Variants in CFAP47 observed in about 807,000 individuals in gnomAD.
The protein encoded by CFAP47 is cilia- and flagella-associated protein 47.
In CFAP47, 29 loss-of-function variants were observed where a neutral mutation model predicts 148.1. The ratio of observed to expected loss-of-function variants is 0.20; its 90% CI spans 0.15 to 0.27. CFAP47 has a LOEUF of 0.27. Among genes scored for constraint, CFAP47 ranks in the 10% least tolerant of loss-of-function variants. The probability of loss-of-function intolerance (pLI) is 1.00; values close to 1 mark genes in which losing one functional copy is unlikely to be tolerated. For synonymous variants in CFAP47, 664 were observed against 577.3 expected (o/e 1.15, Z -2.15); for missense variants, 1,872 against 1,697.5 (o/e 1.10, Z -1.81).
chrX:36,233,431 T>C (rs1940400210), intron 46 of CFAP47, among the ~76,000 whole-genome samples: 1 of 111,285 alleles, frequency 9.0e-6, no homozygotes, highest in Non-Finnish European at 1.9e-5. Flanking sequence ...AGACTAGGAT[T>C]GCAACCCCTG....
chrX:36,094,265 G>C (rs187109388), intron 30 of CFAP47, among the ~76,000 whole-genome samples: 35 of 110,886 alleles, frequency 3.2e-4, no homozygotes, highest in Non-Finnish European at 5.7e-4. Flanking sequence ...CACTGTTTTG[G>C]TTACTATGGC....
intron 44 of CFAP47, among the ~76,000 whole-genome samples, chrX:36,202,079 C>T (rs1555988115): frequency 1.8e-5 from 2 of 110,836 alleles, no homozygotes; most frequent in Non-Finnish European, 3.8e-5. Flanking sequence ...ATGCTTACCT[C>T]GTATATATAA....
chrX:35,932,912 C>T, intron 2 of CFAP47, among the ~76,000 whole-genome samples: 1 of 111,413 alleles, frequency 9.0e-6, no homozygotes, highest in Non-Finnish European at 1.9e-5. Context: ...GTGTGAGCTG[C>T]CATGCCTGGC....
At chrX:36,113,327 T>G (rs1184904928) in intron 33 of CFAP47, among the ~76,000 whole-genome samples, 1 of 111,922 alleles carries the variant, frequency 8.9e-6, no homozygotes, top group Non-Finnish European at 1.9e-5. Flanking sequence ...AATAGGATCT[T>G]ATTTCTCCTT....
intron 44 of CFAP47, among the ~76,000 whole-genome samples, chrX:36,204,429 T>C (rs1291895832): frequency 9.4e-6 from 1 of 106,226 alleles, no homozygotes; most frequent in Non-Finnish European, 1.9e-5. Context: ...GGGACTGTTG[T>C]GGGGTTGGGG....
chrX:36,139,721 C>G (rs183171533), intron 35 of CFAP47, among the ~76,000 whole-genome samples: 1 of 111,752 alleles, frequency 8.9e-6, no homozygotes, highest in African/African-American at 3.2e-5. Context: ...ATAACTAACT[C>G]TGAGTTTTTC....
intron 61 of CFAP47, chrX:36,365,540 C>T (rs1363965054): frequency 5.4e-5 from 6 of 110,253 alleles, no homozygotes; most frequent in African/African-American, 2.0e-4. Context: ...TAGGTAAACT[C>T]GTGTCATGGG....
chrX:36,106,226 C>T (rs1938464183), intron 33 of CFAP47, among the ~76,000 whole-genome samples: 1 of 112,127 alleles, frequency 8.9e-6, no homozygotes, highest in African/African-American at 3.2e-5. Context: ...TATCATCTGT[C>T]TCTTCCAGTA....
intron 39 of CFAP47, among the ~76,000 whole-genome samples, chrX:36,177,384 C>T (rs1292075066): frequency 8.9e-6 from 1 of 111,809 alleles, no homozygotes; most frequent in Non-Finnish European, 1.9e-5. Context: ...AAATAAATTT[C>T]TCCAATTAGT....
chrX:36,175,960 G>A, intron 39 of CFAP47, among the ~76,000 whole-genome samples: 1 of 104,225 alleles, frequency 9.6e-6, no homozygotes. Context: ...AGACTCCGTG[G>A]GCGTAGGACC....
intron 48 of CFAP47, among the ~76,000 whole-genome samples, chrX:36,243,647 GTATATATATATATATA>G (rs58640112): frequency 6.2e-5 from 4 of 64,250 alleles, no homozygotes; most frequent in Admixed American, 2.0e-4. Flanking sequence ...ATATGTGTGT[GTATATATATATATATA>G]TATATATATA....
chrX:35,948,192 C>A, intron 3 of CFAP47, 122 bp from the exon 4 acceptor site: 1 of 543,031 alleles, frequency 1.8e-6, no homozygotes. Flanking sequence ...CTGCATGTGG[C>A]CCATGGGCCA....
chrX:36,179,410 A>T lies in CFAP47; in HGVS notation c.6092A>T (p.Tyr2031Phe), dbSNP rs1263527464. Reference sequence around the variant, plus strand: ...ACGAAGTTAACTGAATCCAGGCAATACCCGAAACATGAGTAAGTGTCTATA... The same window carrying T: ...ACGAAGTTAACTGAATCCAGGCAATTCCCGAAACATGAGTAAGTGTCTATA... ...SPTKLTESRQ[Y>F]PKHDDDMSSS... Residue 2031 changes from tyrosine to phenylalanine, a missense_variant, in exon 40 of 64, where the codon TAC (tyrosine) becomes TTC (phenylalanine). Physicochemically the swap from Tyr to Phe is conservative, Grantham distance 22. Transcript: ENST00000378653. 3.4e-6 allele frequency: 1 copy of T among 295,472 alleles called. No homozygotes were observed. The highest frequency in any genetic ancestry group is 2.7e-5 in the African/African-American group (1 of 36,524). The allele number at this position is 295,472 out of a possible 1,213,427, so 24.4% of individuals were successfully genotyped here. A position where few individuals can be genotyped will look rare whatever the true frequency, so the allele number is the denominator to read the frequency against.
intron 15 of CFAP47, among the ~76,000 whole-genome samples, chrX:35,976,801 C>A (rs1168867110): frequency 8.9e-6 from 1 of 111,763 alleles, no homozygotes; most frequent in African/African-American, 3.3e-5. Flanking sequence ...AAATTAAGAA[C>A]TTTAAATAAG....
chrX:36,000,704 C>G (rs1239009110), intron 20 of CFAP47, among the ~76,000 whole-genome samples: 2 of 111,301 alleles, frequency 1.8e-5, no homozygotes, highest in Non-Finnish European at 3.8e-5. Flanking sequence ...TAAGTATATG[C>G]CTTAAATGAA....
At chrX:35,930,283 TC>T (rs767095184) in intron 2 of CFAP47, among the ~76,000 whole-genome samples, 18 of 111,624 alleles carry the variant, frequency 1.6e-4, no homozygotes, top group African/African-American at 5.9e-4. Flanking sequence ...ATGAAATAAA[TC>T]CATTTTAGTC....
chrX:35,920,024 A>G lies in CFAP47; in HGVS notation c.225A>G (p.Arg75=), dbSNP rs771021676. Residue 75 remains arginine (R), a synonymous_variant, in exon 1 of 64, where the codon CGA becomes CGG. Coordinates refer to ENST00000378653, the MANE Select transcript of CFAP47 (RefSeq NM_001304548.2). ...TTTGCCGCTGGAACCAGAAAATCCGATTTAAGGAGCCCGTCAAGCCACAGG... is the reference window on the plus strand; with the variant it reads ...TTTGCCGCTGGAACCAGAAAATCCGGTTTAAGGAGCCCGTCAAGCCACAGG... ...HNICRWNQKI[R]FKEPVKPQFK... 32 of 1,192,816 alleles carry G rather than the reference A, an allele frequency of 2.7e-5. No individual in the cohort carries two copies. The highest frequency in any genetic ancestry group is 3.3e-5 in the Non-Finnish European group (29 of 884,811).
intron 50 of CFAP47, among the ~76,000 whole-genome samples, chrX:36,283,821 ATTC>A (rs1941104679): frequency 8.9e-6 from 1 of 111,754 alleles, no homozygotes; most frequent in Admixed American, 9.6e-5. Context: ...GACTCTTGAG[ATTC>A]TTTGCCAAAA....
At chrX:36,356,287 C>A (rs6632584) in intron 60 of CFAP47, among the ~76,000 whole-genome samples, 9,719 of 111,282 alleles carry the variant, frequency 0.087, 433 homozygotes, top group East Asian at 0.26. Flanking sequence ...TCTCTGCTCT[C>A]TGCTCAATAC....
Sources: gnomAD v4.1 joint callset for allele counts (sites outside exome capture counted in the v4.1 genomes callset) on GRCh38, gnomAD v4.1.1 for gene constraint, MANE v1.5 for transcripts, NCBI Gene and HGNC (gene_info 2026-07-23, HGNC 2026-07-21) for gene names.